LILRB2: variants seen among roughly 807,000 people sequenced by gnomAD.
LILRB2 encodes leukocyte immunoglobulin like receptor B2, also known as leukocyte immunoglobulin-like receptor subfamily B member 2.
LILRB2 carries 47 observed loss-of-function variants against 72.7 expected under a neutral mutation model. The observed-to-expected ratio is 0.65, with a 90% confidence interval of 0.51 to 0.82. LILRB2 has a LOEUF of 0.82. Among genes scored for constraint, LILRB2 ranks in the 40% least tolerant of loss-of-function variants. LILRB2 has a pLI of 0.00. For synonymous variants in LILRB2, 279 were observed against 313.7 expected (o/e 0.89, Z 1.17); for missense variants, 767 against 764.8 (o/e 1.00, Z -0.03).
At position 54,274,766 on chromosome 19, in the gene LILRB2, G is replaced by A. The variant is rs753959237; in HGVS notation, c.1711C>T (p.Arg571Trp). The change falls in exon 14 of 14, where the codon CGG becomes TGG. Residue 571 changes from arginine to tryptophan, a missense_variant. Physicochemically the swap from Arg to Trp is moderately radical, Grantham distance 101 (BLOSUM62 -3). This residue lies in a region of LILRB2 where 162 missense variants were observed against 176.7 expected (regional missense o/e 0.92). Transcript: ENST00000314446. ...GATGGAGGAGGCTCAGTTGCCTTCC[G>A]TCTGAGGGTCAAGCTGTGCAGCTGG... ...YAQLHSLTLR[R>W]KATEPPPSQE... The A allele has an allele frequency of 1.8e-5, 29 of 1,613,422 alleles. No individual in the cohort carries two copies. Among genetic ancestry groups the A allele is most frequent in the Non-Finnish European group, 1.8e-5 (21 of 1,179,972 alleles).
In LILRB2 at chr19:54,277,260, C is replaced by A. The variant is rs942324656; in HGVS notation, c.1357+290G>T. ...ACCACGACTCTGCTCCCCTCCCCTG[C>A]CCCAGGTCACCGTCTCTGCTGCAGG... On this transcript the variant is annotated intron_variant, in intron 9 of 13. Transcript: ENST00000314446. 31 of 1,522,856 alleles carry A rather than the reference C, an allele frequency of 2.0e-5. No individual in the cohort carries two copies. In the Admixed American group the frequency reaches 5.5e-4, roughly 27 times the overall value. 94.3% of individuals were successfully genotyped at this position (1,522,856 alleles called of 1,614,324 possible).
At position 54,280,973 on chromosome 19, in the gene LILRB2, C is replaced by G. The variant is rs878861612; in HGVS notation, c.-61G>C. On this transcript the variant is annotated 5_prime_UTR_variant, in exon 1 of 14. Transcript: ENST00000314446. Reference sequence around the variant, plus strand: ...GTGGGGTCCTTACCATGGCAGTCGTCCCTCCAGCCCTGGAGATGCTTCAGG... The same window carrying G: ...GTGGGGTCCTTACCATGGCAGTCGTGCCTCCAGCCCTGGAGATGCTTCAGG... The G allele has an allele frequency of 5.6e-5, 74 of 1,315,378 alleles. No individual in the cohort carries two copies. In the South Asian group the frequency reaches 8.3e-4, roughly 15 times the overall value. 81.5% of individuals were successfully genotyped at this position (1,315,378 alleles called of 1,614,324 possible).
In LILRB2 at chr19:54,279,981, G is replaced by T; in HGVS notation, c.165C>A (p.Ala55=). The stretch of plus-strand genomic sequence containing the variant: ...TCTCCCTATATAGACGGTACTCCTG[G>T]GCTTCAAGGCTCCCCTGACAACTGA... The part of the protein sequence containing the change: ...VTLSCQGSLE[A]QEYRLYREKK... Residue 55 remains alanine, a synonymous_variant, in exon 4 of 14, where the codon GCC becomes GCA. Coordinates refer to ENST00000314446, the MANE Select transcript of LILRB2 (RefSeq NM_001080978.4). 6.2e-7 allele frequency: 1 copy of T among 1,613,952 alleles called. No individual in the cohort carries two copies. Among genetic ancestry groups the T allele is most frequent in the Non-Finnish European group, 8.5e-7 (1 of 1,179,984 alleles).
Position 54,275,934 on chromosome 19 carries a change from C to G in LILRB2, c.1647+17G>C, listed in dbSNP as rs1569093883. ...ACCAGGAGGCCTTTGGTGCCTGGGA[C>G]AGGGGCGGGGTCTCACCCGAGTGTC... On this transcript the variant is annotated intron_variant, in intron 13 of 13. Transcript: ENST00000314446. 1 of 1,613,914 alleles carries G rather than the reference C, an allele frequency of 6.2e-7. No homozygotes were observed. Among genetic ancestry groups the G allele is most frequent in the South Asian group, 1.1e-5 (1 of 91,074 alleles).
intron 13 of LILRB2, 184 bp from the exon 14 acceptor site, chr19:54,275,013 G>T: frequency 6.2e-7 from 1 of 1,609,076 alleles, no homozygotes; most frequent in Non-Finnish European, 8.5e-7. Flanking sequence ...TAGGTCTGGA[G>T]TGTTTCACCG....
At chr19:54,276,688 T>G in intron 10 of LILRB2, 119 bp downstream of exon 10, 1 of 1,517,128 alleles carries the variant, frequency 6.6e-7, no homozygotes, top group Non-Finnish European at 8.9e-7. Flanking sequence ...TCCATTCACC[T>G]GGTGAGAAAT....
chr19:54,275,557 G>C (rs2080179732), intron 13 of LILRB2: 1 of 517,770 alleles, frequency 1.9e-6, no homozygotes, highest in African/African-American at 1.9e-5. Flanking sequence ...AGGAGGCGGG[G>C]GCGGCTTTGC....
Position 54,278,805 on chromosome 19 carries a change from T to C in LILRB2, c.955+7A>G. 6.2e-7 allele frequency: 1 copy of C among 1,611,666 alleles called. No individual in the cohort carries two copies. Among genetic ancestry groups the C allele is most frequent in the Non-Finnish European group, 8.5e-7 (1 of 1,179,536 alleles). On this transcript the variant is annotated splice_region_variant and intron_variant, in intron 6 of 13. Transcript: ENST00000314446. The stretch of plus-strand genomic sequence containing the variant: ...GGGTCCCTGACTGAACCCGCTGGGC[T>C]CCTCACCTGTGATCAGGATGTCCAG...
At position 54,276,786 on chromosome 19, in the gene LILRB2, G is replaced by T. The variant is rs1182111668; in HGVS notation, c.1480+21C>A. Reference sequence around the variant, plus strand: ...GAGCCCACCCTCGGTCGGCCCACAGGGTTTCCCCTTCCCTACTCACTCGAT... The same window carrying T: ...GAGCCCACCCTCGGTCGGCCCACAGTGTTTCCCCTTCCCTACTCACTCGAT... On this transcript the variant is annotated intron_variant, in intron 10 of 13. Transcript: ENST00000314446. 8 of 1,611,088 alleles carry T rather than the reference G, an allele frequency of 5.0e-6. No individual in the cohort carries two copies. In the South Asian group the frequency reaches 7.7e-5, roughly 16 times the overall value.
rs1481555725 is a variant in LILRB2 at position 54,279,028 on chromosome 19, AG to A, written c.738del (p.Ser247LeufsTer40). On this transcript the variant is annotated frameshift_variant, in exon 6 of 14. Transcript: ENST00000314446. LOFTEE classifies it high-confidence loss of function. ...APGESLTLQC[V>X]SDVGYDRFVL... ...ACAAATCTGTCATAGCCGACATCAG[AG>A]ACACACTGGAGGGTCAGGCTTTCCC... is the stretch of plus-strand genomic sequence containing the variant. The A allele has an allele frequency of 1.9e-6, 3 of 1,614,078 alleles. No homozygotes were observed. The African/African-American group carries it at 4.0e-5, about 22-fold the overall frequency.
In LILRB2 at chr19:54,280,501, T is replaced by A. The variant is rs766991262; in HGVS notation, c.-5A>T. 6 of 1,613,516 alleles carry A rather than the reference T, an allele frequency of 3.7e-6. No homozygotes were observed. The highest frequency in any genetic ancestry group is 5.1e-6 in the Non-Finnish European group (6 of 1,179,882). ...GACTGTGACGATGGGGGTCATGGCG[T>A]CTCCTCCCACTGCCCTGCTCTGCGG... On this transcript the variant is annotated 5_prime_UTR_variant, in exon 2 of 14. Coordinates refer to ENST00000314446, the MANE Select transcript of LILRB2 (RefSeq NM_001080978.4).
Position 54,277,949 on chromosome 19 carries a change from A to C in LILRB2, c.1259-10T>G, listed in dbSNP as rs1365055605. 6.7e-7 allele frequency: 1 copy of C among 1,499,526 alleles called. No homozygotes were observed. The highest frequency in any genetic ancestry group is 2.4e-5 in the Admixed American group (1 of 40,842). 92.9% of individuals were successfully genotyped at this position (1,499,526 alleles called of 1,614,324 possible). ...GAACCCATGGAGGGTCCTGGGTGAA[A>C]GAATGAGAGGAGGGTGAGGAGCTGG... On this transcript the variant is annotated splice_polypyrimidine_tract_variant and intron_variant, in intron 7 of 13. Transcript: ENST00000314446.
chr19:54,277,811 A>G (rs1182738328), intron 8 of LILRB2, 78 bp downstream of exon 8: 3 of 1,361,210 alleles, frequency 2.2e-6, no homozygotes, highest in African/African-American at 1.5e-5. Flanking sequence ...CCCTGAAGGG[A>G]ATGGGATCCT....
Position 54,279,382 on chromosome 19 carries a change from C to A in LILRB2, c.621G>T (p.Trp207Cys). 6.2e-7 allele frequency: 1 copy of A among 1,614,040 alleles called. No homozygotes were observed. The highest frequency in any genetic ancestry group is 8.5e-7 in the Non-Finnish European group (1 of 1,179,948). The change falls in exon 5 of 14, where the codon TGG becomes TGT. Residue 207 changes from tryptophan (W) to cysteine (C), a missense_variant. Trp to Cys is a radical substitution (Grantham distance 215, BLOSUM62 -2). Around this residue, in one of 3 missense-constraint regions of LILRB2, gnomAD observed 599 missense variants for 568.2 expected, o/e 1.05. Transcript: ENST00000314446. ...YGYDLNSPYV[W>C]SSPSDLLELL... ...GCTCCAGGAGATCACTGGGTGAAGACCACACATAGGGAGAGTTCAAGTCAT... is the reference window on the plus strand; with the variant it reads ...GCTCCAGGAGATCACTGGGTGAAGAACACACATAGGGAGAGTTCAAGTCAT...
chr19:54,275,382 G>C, intron 13 of LILRB2: 1 of 513,536 alleles, frequency 1.9e-6, no homozygotes, highest in South Asian at 2.0e-5. Context: ...ACTCTGTCCA[G>C]GCTTCTCAGA....
chr19:54,276,096 C>T, intron 12 of LILRB2, 93 bp from the exon 13 acceptor site: 5 of 1,570,234 alleles, frequency 3.2e-6, no homozygotes, highest in Non-Finnish European at 4.3e-6. Flanking sequence ...GATGGGGCTA[C>T]TGAGATGCAG....
At chr19:54,280,214 C>G (rs118126757) in intron 3 of LILRB2, 50 bp downstream of exon 3, 32,225 of 1,613,470 alleles carry the variant, frequency 0.02, 1,682 homozygotes, top group Admixed American at 0.18. Flanking sequence ...GAGGTGGCCC[C>G]TTGTCCCCAG....
In LILRB2 at chr19:54,276,282, C is replaced by A; in HGVS notation, c.1576G>T (p.Ala526Ser). Residue 526 changes from alanine to serine, a missense_variant, in exon 12 of 14, where the codon GCC becomes TCC. Physicochemically the swap from Ala to Ser is moderately conservative, Grantham distance 99 (BLOSUM62 1). Around this residue, in one of 3 missense-constraint regions of LILRB2, gnomAD observed 162 missense variants for 176.7 expected, o/e 0.92. Transcript: ENST00000314446. ...LQWRSSPAAD[A>S]QEENLYAAVK... The stretch of plus-strand genomic sequence containing the variant: ...CACTCACAGAGGTTTTCTTCCTGGG[C>A]GTCGGCAGCTGGGCTGGACCTGGGG... 6.2e-7 allele frequency: 1 copy of A among 1,614,064 alleles called. No homozygotes were observed. The highest frequency in any genetic ancestry group is 8.5e-7 in the Non-Finnish European group (1 of 1,180,026).
rs1003074123 is a variant in LILRB2, at chr19:54,277,151, G to C, written c.1358-222C>G. On this transcript the variant is annotated intron_variant, in intron 9 of 13. Transcript: ENST00000314446. ...CCAGGAAGCGGCAGAGCTGGGAAGG[G>C]AGCCTGGGAGTCTGACCTGCAGCCC... The C allele has an allele frequency of 6.7e-6, 10 of 1,502,966 alleles. No individual in the cohort carries two copies. The East Asian group carries it at 1.2e-4, about 19-fold the overall frequency. The allele number at this position is 1,502,966 out of a possible 1,614,324, so 93.1% of individuals were successfully genotyped here.
Sources: gnomAD v4.1 joint callset for allele counts on GRCh38, gnomAD v4.1.1 for gene constraint, gnomAD v4.1.1 regional missense constraint, MANE v1.5 for transcripts, NCBI Gene and HGNC (gene_info 2026-07-23, HGNC 2026-07-21) for gene names.